The following CFAP92 variants were observed in gnomAD, a reference collection of about 807,000 sequenced individuals.
CFAP92 encodes the protein cilia and flagella associated protein 92 (putative), also known as uncharacterized protein CFAP92.
A neutral mutation model predicts 106.3 loss-of-function variants in CFAP92; 86 were observed. That is an observed-to-expected ratio of 0.81 (90% confidence interval 0.68 to 0.97). The LOEUF (loss-of-function observed/expected upper bound fraction) is 0.97. Ranked by LOEUF, CFAP92 falls within the 50% of genes least tolerant of loss-of-function variation. CFAP92 has a pLI of 0.00. For missense variants in CFAP92, 1,204 were observed against 1,283.8 expected (o/e 0.94, Z 0.95); for synonymous variants, 477 against 506.4 (o/e 0.94, Z 0.78).
chr3:128,958,679 T>C (rs1941633485), intron 9 of CFAP92, among the ~76,000 whole-genome samples: 1 of 152,066 alleles, frequency 6.6e-6, no homozygotes, highest in African/African-American at 2.4e-5. Flanking sequence ...GGCAGGAGGA[T>C]CACTTGATCC....
At chr3:129,002,039 G>A (rs1230215739) in intron 1 of CFAP92, 4 of 1,543,762 alleles carry the variant, frequency 2.6e-6, no homozygotes, top group African/African-American at 2.8e-5. Context: ...GCGCCGAGCC[G>A]CCGGAGCTCA....
chr3:128,963,811 G>T (rs1212702801), intron 9 of CFAP92, among the ~76,000 whole-genome samples: 4 of 149,540 alleles, frequency 2.7e-5, no homozygotes, highest in Admixed American at 1.3e-4. Context: ...ACTTCTCAGT[G>T]TTCCATCTGC....
At chr3:128,957,982 C>A (rs1941577448) in intron 9 of CFAP92, among the ~76,000 whole-genome samples, 2 of 152,152 alleles carry the variant, frequency 1.3e-5, no homozygotes, top group South Asian at 4.1e-4. Flanking sequence ...CCCCAGATGT[C>A]CCCTGGCATG....
intron 12 of CFAP92, among the ~76,000 whole-genome samples, chr3:128,920,248 C>T (rs1326173790): frequency 6.6e-6 from 1 of 152,014 alleles, no homozygotes; most frequent in African/African-American, 2.4e-5. Context: ...TACTAATATA[C>T]AAAAATTAGC....
chr3:128,910,367 T>A, intron 15 of CFAP92, 34 bp from the exon 16 acceptor site: 1 of 1,460,814 alleles, frequency 6.8e-7, no homozygotes, highest in Non-Finnish European at 9.0e-7. Flanking sequence ...CAGGGGTTCC[T>A]GATCCCAGTG....
chr3:129,023,026 G>T, the CFAP92 span, among the ~76,000 whole-genome samples: 1 of 152,202 alleles, frequency 6.6e-6, no homozygotes, highest in Non-Finnish European at 1.5e-5. Flanking sequence ...CAGAAAATAA[G>T]ATCTAGCTAG....
Position 128,945,717 on chromosome 3 carries a change from T to C in CFAP92, c.1612A>G (p.Asn538Asp). ...CTGGGAGAGATGAGGGCCTGGAAGT[T>C]GAGGTATGAATCCAGAGGGTCCTCC... is the stretch of plus-strand genomic sequence containing the variant. ...FGEDPLDSYL[N>D]FQALISPRET... Residue 538 changes from asparagine (N) to aspartate (D), a missense_variant, in exon 10 of 16, where the codon AAC (asparagine) becomes GAC (aspartate). Asn to Asp is a conservative substitution (Grantham distance 23). Coordinates refer to ENST00000645291, the MANE Select transcript of CFAP92 (RefSeq NM_001394090.1). The C allele has an allele frequency of 6.5e-7, 1 of 1,536,028 alleles. No homozygotes were observed. The highest frequency in any genetic ancestry group is 2.4e-5 in the East Asian group (1 of 40,910).
rs773480994 is a variant in CFAP92 at position 128,912,672 on chromosome 3, ACT to A, written c.3281-2341_3281-2340del. On this transcript the variant is annotated intron_variant, in intron 15 of 15. Transcript: ENST00000645291. The stretch of plus-strand genomic sequence containing the variant: ...CATGGCCCGTTGCTGGATGACTGTT[ACT>A]CTTTTTTCAGAAGGTGTTGGGATTA... 6.6e-6 allele frequency: 9 copies of A among 1,371,948 alleles called. No individual in the cohort carries two copies. In the Admixed American group the frequency reaches 1.2e-4, roughly 18 times the overall value. The allele number at this position is 1,371,948 out of a possible 1,614,324, so 85.0% of individuals were successfully genotyped here. A position where few individuals can be genotyped will look rare whatever the true frequency, so the allele number is the denominator to read the frequency against.
At chr3:129,025,264 G>A in the CFAP92 span, among the ~76,000 whole-genome samples, 1 of 152,272 alleles carries the variant, frequency 6.6e-6, no homozygotes, top group Non-Finnish European at 1.5e-5. Context: ...TCCTCAGAGG[G>A]CATCCCAGGG....
intron 11 of CFAP92, 27 bp from the exon 12 acceptor site, chr3:128,933,024 G>A (rs1444614021): frequency 1.3e-6 from 2 of 1,533,116 alleles, no homozygotes; most frequent in African/African-American, 2.7e-5. Flanking sequence ...CTGCCCCACT[G>A]AACCTCTCCT....
At chr3:129,022,056 A>G in the CFAP92 span, among the ~76,000 whole-genome samples, 1 of 152,186 alleles carries the variant, frequency 6.6e-6, no homozygotes, top group Non-Finnish European at 1.5e-5. Context: ...CAGCACCCAG[A>G]ACTCACCGTG....
intron 9 of CFAP92, among the ~76,000 whole-genome samples, chr3:128,956,644 T>C (rs954146508): frequency 2.6e-5 from 4 of 151,662 alleles, no homozygotes; most frequent in Non-Finnish European, 4.4e-5. Context: ...TCAGAAACTG[T>C]AGTGGTAAGA....
At position 128,910,162 on chromosome 3, in the gene CFAP92, C is replaced by T. The variant is rs901163100; in HGVS notation, c.*137G>A. ...CCACGACCACGAGGTGAGCCCAGCCCAGCCTCACACAGGGCCTGGCTGCTG... is the reference window on the plus strand; with the variant it reads ...CCACGACCACGAGGTGAGCCCAGCCTAGCCTCACACAGGGCCTGGCTGCTG... On this transcript the variant is annotated 3_prime_UTR_variant, in exon 16 of 16. Coordinates refer to ENST00000645291, the MANE Select transcript of CFAP92 (RefSeq NM_001394090.1). 1.9e-5 allele frequency: 31 copies of T among 1,613,832 alleles called. No homozygotes were observed. In the African/African-American group the frequency reaches 3.7e-4, roughly 19 times the overall value.
In CFAP92 at chr3:128,971,173, G is replaced by A. The variant is rs1942763358; in HGVS notation, c.1168+114C>T. On this transcript the variant is annotated intron_variant, in intron 8 of 15. Coordinates refer to ENST00000645291, the MANE Select transcript of CFAP92 (RefSeq NM_001394090.1). ...TTCCCCTGAGTTTCCTGAGGTGGCT[G>A]TGAGGATGAAATGAGGTGGCACGCA... is the stretch of plus-strand genomic sequence containing the variant. 3.3e-6 allele frequency: 5 copies of A among 1,534,912 alleles called. No homozygotes were observed. In the East Asian group the frequency reaches 1.2e-4, roughly 36 times the overall value.
chr3:128,935,501 C>T (rs1559870106), intron 10 of CFAP92, among the ~76,000 whole-genome samples, 182 bp from the exon 11 acceptor site: 4 of 152,184 alleles, frequency 2.6e-5, no homozygotes, highest in African/African-American at 7.2e-5. Context: ...CACATGAGGT[C>T]GGGAGTTCGA....
intron 9 of CFAP92, among the ~76,000 whole-genome samples, chr3:128,960,864 C>T (rs1378668418): frequency 6.6e-6 from 1 of 151,706 alleles, no homozygotes; most frequent in Non-Finnish European, 1.5e-5. Flanking sequence ...GCAAGTACCC[C>T]TCAACCCCTT....
Position 128,977,042 on chromosome 3 carries a change from GT to G in CFAP92, c.832del (p.Thr278LeufsTer38). The G allele has an allele frequency of 1.2e-6, 2 of 1,613,874 alleles. No homozygotes were observed. The highest frequency in any genetic ancestry group is 8.5e-7 in the Non-Finnish European group (1 of 1,179,828). On this transcript the variant is annotated frameshift_variant, in exon 6 of 16. Coordinates refer to ENST00000645291, the MANE Select transcript of CFAP92 (RefSeq NM_001394090.1). LOFTEE classifies it high-confidence loss of function. ...ATATTCCTCACTGTTCTTGGAAGAA[GT>G]TTCGGGCTCTGCTTGGTGAGAACCT... ...LQGSHQAEPE[T>X]SSKNSEEYEK...
chr3:129,009,940 T>C, the CFAP92 span, among the ~76,000 whole-genome samples: 1 of 152,116 alleles, frequency 6.6e-6, no homozygotes, highest in Non-Finnish European at 1.5e-5. Flanking sequence ...CAGAAAAAGA[T>C]TGTTATCCCC....
At chr3:128,961,130 A>C (rs575687615) in intron 9 of CFAP92, among the ~76,000 whole-genome samples, 14 of 152,294 alleles carry the variant, frequency 9.2e-5, no homozygotes, top group African/African-American at 2.9e-4. Flanking sequence ...CAAACTCAAC[A>C]GTAGTTCCAA....
Sources: allele counts gnomAD v4.1 joint callset (sites outside exome capture counted in the v4.1 genomes callset), GRCh38; gene constraint gnomAD v4.1.1; transcripts MANE v1.5; gene names NCBI Gene and HGNC (gene_info 2026-07-23, HGNC 2026-07-21).